SCML2: variants seen among roughly 807,000 people sequenced by gnomAD.
The protein encoded by SCML2 is sex comb on midleg-like protein 2.
Under a neutral mutation model 48.4 loss-of-function variants are expected in SCML2, and 6 were observed. That is an observed-to-expected ratio of 0.12 (90% CI 0.07 to 0.24). SCML2 has a LOEUF of 0.24. Among genes scored for constraint, SCML2 ranks in the 10% least tolerant of loss-of-function variants. The pLI is 1.00. For missense variants in SCML2, 377 were observed against 528.2 expected (o/e 0.71, Z 2.81); for synonymous variants, 181 against 189.5 (o/e 0.95, Z 0.37).
At chrX:18,323,375 G>A (rs1929380654) in intron 5 of SCML2, among the ~76,000 whole-genome samples, 1 of 111,497 alleles carries the variant, frequency 9.0e-6, no homozygotes, top group Non-Finnish European at 1.9e-5. Context: ...TGTCCCTCTC[G>A]CTCTGATTTC....
intron 7 of SCML2, among the ~76,000 whole-genome samples, chrX:18,270,326 C>T (rs189015084): frequency 7.2e-5 from 8 of 111,351 alleles, no homozygotes; most frequent in Non-Finnish European, 1.5e-4. Flanking sequence ...CGCGCCCGGC[C>T]AAAAATTTTT....
At chrX:18,301,833 T>C (rs1302707511) in intron 7 of SCML2, among the ~76,000 whole-genome samples, 3 of 111,602 alleles carry the variant, frequency 2.7e-5, no homozygotes, top group Non-Finnish European at 5.6e-5. Context: ...AAAGAAGTTC[T>C]CTAAACAGGA....
At chrX:18,302,121 T>C (rs1324523216) in intron 7 of SCML2, among the ~76,000 whole-genome samples, 2 of 111,131 alleles carry the variant, frequency 1.8e-5, no homozygotes, top group Admixed American at 1.9e-4. Context: ...TCACAAAGTA[T>C]TGGGAAACCA....
intron 7 of SCML2, among the ~76,000 whole-genome samples, chrX:18,274,894 C>G (rs899784690): frequency 2.7e-5 from 3 of 111,653 alleles, no homozygotes; most frequent in Non-Finnish European, 5.6e-5. Context: ...CATTTATGAT[C>G]TATTCTCTCT....
chrX:18,256,954 C>T lies in SCML2; in HGVS notation c.1350G>A (p.Glu450=). ...CACACTGCAGACTGTGGCAGAAGTT[C>T]TCAAGAAAGCGAAGAGCAAATGATG... is the stretch of plus-strand genomic sequence containing the variant. ...NSASFALRFL[E]NFCHSLQCDN... Residue 450 remains glutamate (E), a synonymous_variant, in exon 11 of 15, where the codon GAG becomes GAA. Transcript: ENST00000251900. 8.3e-7 allele frequency: 1 copy of T among 1,207,937 alleles called. No homozygotes were observed. Among genetic ancestry groups the T allele is most frequent in the Non-Finnish European group, 1.1e-6 (1 of 893,582 alleles).
intron 3 of SCML2, among the ~76,000 whole-genome samples, chrX:18,326,123 A>G: frequency 8.9e-6 from 1 of 112,484 alleles, no homozygotes; most frequent in Non-Finnish European, 1.9e-5. Flanking sequence ...TTGGGAAAAG[A>G]TGTACACAAT....
chrX:18,286,292 A>G (rs1027427585), intron 7 of SCML2, among the ~76,000 whole-genome samples: 1 of 112,194 alleles, frequency 8.9e-6, no homozygotes, highest in South Asian at 3.7e-4. Context: ...ATGATTTAAC[A>G]TTAGCATTAT....
At position 18,321,695 on chromosome X, in the gene SCML2, T is replaced by A. The variant is rs1297147741; in HGVS notation, c.398-1275A>T. Among the ~76,000 whole-genome samples, 5 of 109,458 alleles carry A rather than the reference T, an allele frequency of 4.6e-5. No individual in the cohort carries two copies. In the East Asian group the frequency reaches 1.4e-3, roughly 31 times the overall value. On this transcript the variant is annotated intron_variant, in intron 5 of 14. Coordinates refer to ENST00000251900, the MANE Select transcript of SCML2 (RefSeq NM_006089.3). ...ATTATTCTCCATTCTGTGGAGAGTA[T>A]TGCATAAGAATCATTCTCTGGTCCT...
chrX:18,347,396 G>A (rs1163127667), intron 1 of SCML2, among the ~76,000 whole-genome samples: 2 of 108,024 alleles, frequency 1.9e-5, no homozygotes, highest in African/African-American at 6.8e-5. Flanking sequence ...AGTGAGCCAA[G>A]ATAGTGCCAT....
At chrX:18,338,615 TA>T (rs1425159831) in intron 1 of SCML2, among the ~76,000 whole-genome samples, 1 of 109,127 alleles carries the variant, frequency 9.2e-6, no homozygotes, top group East Asian at 2.9e-4. Flanking sequence ...GTAAAAAGTT[TA>T]GGTTAGACAG....
chrX:18,328,372 G>A (rs1352437015), intron 3 of SCML2, among the ~76,000 whole-genome samples: 1 of 111,622 alleles, frequency 9.0e-6, no homozygotes, highest in Admixed American at 9.6e-5. Context: ...TGCCCACTAA[G>A]CTCAAAGAGG....
intron 6 of SCML2, among the ~76,000 whole-genome samples, chrX:18,313,767 C>T (rs1013773579): frequency 8.9e-6 from 1 of 112,205 alleles, no homozygotes; most frequent in Non-Finnish European, 1.9e-5. Context: ...TGTTAACTGA[C>T]TTTATCCCCA....
chrX:18,267,769 G>A (rs1927306530), intron 7 of SCML2, among the ~76,000 whole-genome samples: 1 of 109,651 alleles, frequency 9.1e-6, no homozygotes, highest in Admixed American at 9.7e-5. Flanking sequence ...CTAATTTTTT[G>A]TATTTTGTGG....
rs748645883 is a variant in SCML2 at position 18,294,577 on chromosome X, A to G, written c.730+10395T>C. Among the ~76,000 whole-genome samples, 9 of 110,948 alleles carry G rather than the reference A, an allele frequency of 8.1e-5. No individual in the cohort carries two copies. In the East Asian group the frequency reaches 2.6e-3, roughly 32 times the overall value. ...TAGCACAGCGCCATTCTGAGACTTCAGCCCCCACCACACTGCATCCTGCCC... is the reference window on the plus strand; with the variant it reads ...TAGCACAGCGCCATTCTGAGACTTCGGCCCCCACCACACTGCATCCTGCCC... On this transcript the variant is annotated intron_variant, in intron 7 of 14. Coordinates refer to ENST00000251900, the MANE Select transcript of SCML2 (RefSeq NM_006089.3).
rs372664143 is a variant in SCML2 at position 18,257,002 on chromosome X, G to T, written c.1302C>A (p.Ile434=). 1.3e-4 allele frequency: 159 copies of T among 1,190,469 alleles called. 1 individual carries two copies. Among genetic ancestry groups the T allele is most frequent in the Non-Finnish European group, 1.7e-4 (151 of 887,292 alleles). ...ATGCACTGTTCACTGGAGGGAGCTG[G>T]ATGGAATGAGTTTCCCCATCAAAGG... is the stretch of plus-strand genomic sequence containing the variant. ...TASFDGETHS[I]QLPPVNSASF... The change falls in exon 11 of 15, where the codon ATC becomes ATA. Residue 434 remains isoleucine (I), a synonymous_variant. Transcript: ENST00000251900.
chrX:18,343,853 G>A (rs1226767277), intron 1 of SCML2, among the ~76,000 whole-genome samples: 1 of 100,676 alleles, frequency 9.9e-6, no homozygotes, highest in Non-Finnish European at 2.0e-5. Flanking sequence ...GGGAGGCTGA[G>A]GCAAGAGGAC....
At chrX:18,340,827 T>G (rs996552818) in intron 1 of SCML2, among the ~76,000 whole-genome samples, 1 of 106,663 alleles carries the variant, frequency 9.4e-6, no homozygotes, top group African/African-American at 3.4e-5. Flanking sequence ...AAAAAAAAAA[T>G]TAAATAAATA....
At chrX:18,343,499 C>T (rs1930087384) in intron 1 of SCML2, among the ~76,000 whole-genome samples, 1 of 110,680 alleles carries the variant, frequency 9.0e-6, no homozygotes, top group Non-Finnish European at 1.9e-5. Context: ...CAGTGGTTCA[C>T]GCCTGTAACA....
intron 7 of SCML2, among the ~76,000 whole-genome samples, chrX:18,292,139 A>G (rs1928252471): frequency 8.9e-6 from 1 of 112,142 alleles, no homozygotes; most frequent in Admixed American, 9.5e-5. Flanking sequence ...ATTTTGGAAA[A>G]CAATTGTTTT....
Sources: allele counts gnomAD v4.1 joint callset (sites outside exome capture counted in the v4.1 genomes callset), GRCh38; gene constraint gnomAD v4.1.1; transcripts MANE v1.5; gene names NCBI Gene and HGNC (gene_info 2026-07-23, HGNC 2026-07-21).